The following HTR4 variants were observed in gnomAD, a reference collection of about 807,000 sequenced individuals.
HTR4 encodes the protein 5-hydroxytryptamine receptor 4, also known as 5-hydroxytryptamine (serotonin) receptor 4, G protein-coupled.
In HTR4, 16 loss-of-function variants were observed where a neutral mutation model predicts 36.8. The observed-to-expected ratio is 0.43, with a 90% confidence interval of 0.29 to 0.66. HTR4 has a LOEUF of 0.66. Ranked by LOEUF, HTR4 falls within the 30% of genes least tolerant of loss-of-function variation. The probability of loss-of-function intolerance (pLI) is 0.13; values close to 1 mark genes in which losing one functional copy is unlikely to be tolerated. For missense variants in HTR4, 438 were observed against 490.9 expected (o/e 0.89, Z 1.02); for synonymous variants, 189 against 185.1 (o/e 1.02, Z -0.17).
chr5:148,461,028 A>T (rs1453013249), intron 5 of HTR4, among the ~76,000 whole-genome samples: 2 of 152,030 alleles, frequency 1.3e-5, no homozygotes, highest in Non-Finnish European at 2.9e-5. Flanking sequence ...ACTACCAAAA[A>T]GTTGTATAGT....
chr5:148,653,121 C>A (rs1287128616), intron 1 of HTR4, among the ~76,000 whole-genome samples: 1 of 152,104 alleles, frequency 6.6e-6, no homozygotes, highest in Admixed American at 6.5e-5. Context: ...CCACAGTCAC[C>A]CACAGCTTTA....
intron 2 of HTR4, among the ~76,000 whole-genome samples, chr5:148,611,116 CAGG>C (rs1212168748): frequency 1.4e-5 from 2 of 146,492 alleles, no homozygotes; most frequent in Non-Finnish European, 3.0e-5. Context: ...GGATATTATC[CAGG>C]AGAATTTCCC....
chr5:148,648,633 T>C (rs982312397), intron 1 of HTR4, among the ~76,000 whole-genome samples: 1 of 152,198 alleles, frequency 6.6e-6, no homozygotes, highest in African/African-American at 2.4e-5. Context: ...CCATACTAGT[T>C]GTGTGATAGG....
chr5:148,538,952 C>T (rs531807942), intron 4 of HTR4, among the ~76,000 whole-genome samples: 21 of 152,170 alleles, frequency 1.4e-4, no homozygotes, highest in South Asian at 6.2e-4. Flanking sequence ...AAGCTGGAGG[C>T]GTCACCTCAC....
chr5:148,503,664 G>A (rs764785105), intron 6 of HTR4, among the ~76,000 whole-genome samples: 51 of 152,218 alleles, frequency 3.4e-4, no homozygotes, highest in Admixed American at 1.4e-3. Flanking sequence ...AATGTAAATC[G>A]GCTAAATGCG....
intron 2 of HTR4, among the ~76,000 whole-genome samples, chr5:148,596,964 A>G (rs556488825): frequency 2.6e-4 from 39 of 152,196 alleles, no homozygotes; most frequent in Non-Finnish European, 4.0e-4. Flanking sequence ...TTGAGTAAGC[A>G]GCCCCTGAAG....
chr5:148,590,544 G>A (rs1245133624), intron 2 of HTR4, among the ~76,000 whole-genome samples: 3 of 151,560 alleles, frequency 2.0e-5, no homozygotes, highest in East Asian at 1.9e-4. Context: ...CTTTCTCAGC[G>A]CTACCCACAT....
intron 5 of HTR4, among the ~76,000 whole-genome samples, chr5:148,457,077 GC>G (rs1279276342): frequency 1.3e-5 from 2 of 152,016 alleles, no homozygotes; most frequent in African/African-American, 2.4e-5. Context: ...TACAATAATA[GC>G]CCCCCTCTGC....
chr5:148,566,960 T>A (rs1468263066), intron 2 of HTR4, among the ~76,000 whole-genome samples: 1 of 152,038 alleles, frequency 6.6e-6, no homozygotes, highest in African/African-American at 2.4e-5. Flanking sequence ...CCACAAAAAA[T>A]TGTGTTTTTT....
intron 2 of HTR4, among the ~76,000 whole-genome samples, chr5:148,604,771 C>G (rs1419217859): frequency 6.6e-6 from 1 of 152,104 alleles, no homozygotes; most frequent in Non-Finnish European, 1.5e-5. Flanking sequence ...ATGTATGATT[C>G]AATGTATATG....
intron 4 of HTR4, among the ~76,000 whole-genome samples, chr5:148,532,669 C>A (rs575299455): frequency 1.3e-5 from 2 of 152,106 alleles, no homozygotes; most frequent in Non-Finnish European, 2.9e-5. Flanking sequence ...GAAATACATA[C>A]CCATAAATGT....
chr5:148,452,317 A>G (rs1323788775), intron 5 of HTR4, among the ~76,000 whole-genome samples: 1 of 152,206 alleles, frequency 6.6e-6, no homozygotes, highest in Non-Finnish European at 1.5e-5. Flanking sequence ...AGACACATCC[A>G]ATCAAACCCA....
chr5:148,531,068 C>T (rs1023811749), intron 4 of HTR4, among the ~76,000 whole-genome samples: 3 of 152,158 alleles, frequency 2.0e-5, no homozygotes, highest in South Asian at 2.1e-4. Flanking sequence ...TTTACAGGCT[C>T]ATAGGCAGAA....
At chr5:148,459,470 G>A (rs1029359010) in intron 5 of HTR4, among the ~76,000 whole-genome samples, 1 of 152,090 alleles carries the variant, frequency 6.6e-6, no homozygotes, top group Non-Finnish European at 1.5e-5. Flanking sequence ...TGACCTTGGG[G>A]GAAGGGAAAT....
chr5:148,636,946 T>C, intron 2 of HTR4, 43 bp downstream of exon 2: 1 of 1,242,530 alleles, frequency 8.0e-7, no homozygotes, highest in Non-Finnish European at 1.2e-6. Context: ...ATAGCAGAAA[T>C]GTTCTCAGTT....
chr5:148,492,116 G>C (rs1290687457), intron 6 of HTR4, among the ~76,000 whole-genome samples: 1 of 152,178 alleles, frequency 6.6e-6, no homozygotes, highest in East Asian at 1.9e-4. Context: ...CCTGCAGGGT[G>C]GCATGCATAA....
At chr5:148,559,234 T>C (rs1260408215) in intron 2 of HTR4, among the ~76,000 whole-genome samples, 1 of 152,206 alleles carries the variant, frequency 6.6e-6, no homozygotes, top group African/African-American at 2.4e-5. Context: ...TTCCACTGAA[T>C]GCATATTGCT....
chr5:148,507,790 T>G (rs562976675), intron 6 of HTR4, among the ~76,000 whole-genome samples: 1 of 152,290 alleles, frequency 6.6e-6, no homozygotes, highest in Non-Finnish European at 1.5e-5. Context: ...AACAACTGAC[T>G]TAGCAAATGT....
intron 2 of HTR4, among the ~76,000 whole-genome samples, chr5:148,616,171 G>A (rs1468912366): frequency 1.3e-5 from 2 of 152,246 alleles, no homozygotes; most frequent in South Asian, 2.1e-4. Flanking sequence ...ACAAGGGTTA[G>A]TGCTTTTTGA....
Sources: gnomAD v4.1 joint callset for allele counts (sites outside exome capture counted in the v4.1 genomes callset) on GRCh38, gnomAD v4.1.1 for gene constraint, MANE v1.5 for transcripts, NCBI Gene and HGNC (gene_info 2026-07-23, HGNC 2026-07-21) for gene names.